Variants in FAM135A observed in about 807,000 individuals in gnomAD.
FAM135A encodes protein FAM135A.
A neutral mutation model predicts 146.8 loss-of-function variants in FAM135A; 79 were observed. The ratio of observed to expected loss-of-function variants is 0.54; its 90% CI spans 0.45 to 0.65. The LOEUF (loss-of-function observed/expected upper bound fraction) is 0.65. FAM135A is among the 30% of genes least tolerant of loss of function. FAM135A has a pLI of 0.00. For missense variants in FAM135A, 1,623 were observed against 1,758.2 expected (o/e 0.92, Z 1.38); for synonymous variants, 562 against 603.6 (o/e 0.93, Z 1.01).
At chr6:70,471,994 G>A (rs1781714755) in intron 5 of FAM135A, among the ~76,000 whole-genome samples, 1 of 152,032 alleles carries the variant, frequency 6.6e-6, no homozygotes, top group Non-Finnish European at 1.5e-5. Flanking sequence ...GCTTCCCAGG[G>A]TTTATAGAGT....
chr6:70,559,657 T>G lies in FAM135A; in HGVS notation c.4343-59T>G, dbSNP rs1343666819. On this transcript the variant is annotated intron_variant, in intron 21 of 21. Transcript: ENST00000418814. Reference sequence around the variant, plus strand: ...ATAACTTATCTAAAAATTGGCATAGTTTTTTTATTTTCAGTTACTATTGTG... The same window carrying G: ...ATAACTTATCTAAAAATTGGCATAGGTTTTTTATTTTCAGTTACTATTGTG... 5.8e-6 allele frequency: 8 copies of G among 1,388,396 alleles called. No individual in the cohort carries two copies. The East Asian group carries it at 1.9e-4, about 33-fold the overall frequency. The allele number at this position is 1,388,396 out of a possible 1,614,324, so 86.0% of individuals were successfully genotyped here.
At chr6:70,446,693 T>G (rs1775831312) in intron 4 of FAM135A, among the ~76,000 whole-genome samples, 1 of 152,320 alleles carries the variant, frequency 6.6e-6, no homozygotes, top group East Asian at 1.9e-4. Context: ...CGGCCAAGAT[T>G]GATAAATATG....
At chr6:70,517,556 T>C (rs1263913058) in intron 12 of FAM135A, among the ~76,000 whole-genome samples, 1 of 151,898 alleles carries the variant, frequency 6.6e-6, no homozygotes, top group African/African-American at 2.4e-5. Context: ...TTAGCTGAGA[T>C]TACAGGTGCC....
At chr6:70,484,563 A>C (rs904186752) in intron 10 of FAM135A, among the ~76,000 whole-genome samples, 15 of 152,152 alleles carry the variant, frequency 9.9e-5, no homozygotes, top group Admixed American at 2.0e-4. Context: ...GATTGGGGGA[A>C]GTGATTGTTT....
intron 12 of FAM135A, among the ~76,000 whole-genome samples, chr6:70,508,020 T>C (rs1232106630): frequency 2.6e-5 from 4 of 152,152 alleles, no homozygotes; most frequent in African/African-American, 9.7e-5. Flanking sequence ...ACCTTATTAA[T>C]GGTAGGATTA....
intron 4 of FAM135A, among the ~76,000 whole-genome samples, chr6:70,435,921 C>T (rs547014510): frequency 3.3e-5 from 5 of 152,254 alleles, no homozygotes; most frequent in South Asian, 2.1e-4. Flanking sequence ...TGGTGGCTCA[C>T]GCCTGTGATC....
chr6:70,464,575 G>C (rs1435959300), intron 5 of FAM135A, among the ~76,000 whole-genome samples: 1 of 151,092 alleles, frequency 6.6e-6, no homozygotes, highest in Non-Finnish European at 1.5e-5. Flanking sequence ...CCTTCAGTTT[G>C]ATAATAACAT....
At chr6:70,445,361 G>GAGACCA (rs111464151) in intron 4 of FAM135A, among the ~76,000 whole-genome samples, 3,837 of 151,880 alleles carry the variant, frequency 0.025, 169 homozygotes, top group African/African-American at 0.088. Context: ...GGTTTCTGCC[G>GAGACCA]TCTTGGTCAG....
At chr6:70,502,944 TAATAG>T (rs1421067330) in intron 12 of FAM135A, 153 bp downstream of exon 12, 5 of 767,540 alleles carry the variant, frequency 6.5e-6, no homozygotes, top group East Asian at 5.6e-5. Flanking sequence ...CCAAAATTAA[TAATAG>T]AATAGAACAA....
At chr6:70,537,305 G>T (rs142707082) in intron 19 of FAM135A, among the ~76,000 whole-genome samples, 80 of 152,190 alleles carry the variant, frequency 5.3e-4, no homozygotes, top group Middle Eastern at 3.4e-3. Flanking sequence ...TTAGTCAATT[G>T]ATTCCCACTG....
intron 1 of FAM135A, chr6:70,413,986 C>G (rs769225721): frequency 1.4e-4 from 140 of 985,660 alleles, no homozygotes; most frequent in Non-Finnish European, 1.7e-4. Context: ...TCCCTCGACC[C>G]GTTCTTCCTG....
At chr6:70,461,355 A>G (rs1049745750) in intron 5 of FAM135A, among the ~76,000 whole-genome samples, 3 of 152,154 alleles carry the variant, frequency 2.0e-5, no homozygotes, top group Non-Finnish European at 4.4e-5. Context: ...AAAGGGCTGT[A>G]TACCTTTTAT....
chr6:70,454,662 G>A (rs867063973), intron 5 of FAM135A, among the ~76,000 whole-genome samples: 1 of 152,050 alleles, frequency 6.6e-6, no homozygotes, highest in Non-Finnish European at 1.5e-5. Flanking sequence ...TATTAAATAG[G>A]GAATCCTTTC....
intron 4 of FAM135A, among the ~76,000 whole-genome samples, chr6:70,450,858 C>T (rs1219367694): frequency 1.3e-5 from 2 of 149,836 alleles, no homozygotes; most frequent in East Asian, 4.0e-4. Flanking sequence ...TCTCATGCCT[C>T]AGCCTCCCTA....
intron 4 of FAM135A, among the ~76,000 whole-genome samples, chr6:70,429,522 TA>T (rs1046665138): frequency 6.6e-6 from 1 of 151,260 alleles, no homozygotes; most frequent in East Asian, 1.9e-4. Context: ...CAAGGAACGT[TA>T]AAAAAAATAA....
At position 70,525,113 on chromosome 6, in the gene FAM135A, G is replaced by A. The variant is rs1401794804; in HGVS notation, c.2029G>A (p.Gly677Arg). 6.4e-7 allele frequency: 1 copy of A among 1,562,392 alleles called. No homozygotes were observed. The highest frequency in any genetic ancestry group is 2.2e-5 in the East Asian group (1 of 44,640). Residue 677 changes from glycine to arginine, a missense_variant, in exon 15 of 22, where the codon GGA becomes AGA. Transcript: ENST00000418814. ...TGGAGAGAATATAACTGTCAAACTAGGACCTTGGACAGAGCTTCGACAAGA... is the reference window on the plus strand; with the variant it reads ...TGGAGAGAATATAACTGTCAAACTAAGACCTTGGACAGAGCTTCGACAAGA... Reference protein sequence around the residue: ...FSGENITVKLGPWTELRQEEI... With the variant: ...FSGENITVKLRPWTELRQEEI...
intron 2 of FAM135A, among the ~76,000 whole-genome samples, chr6:70,419,291 C>T (rs903032280): frequency 4.6e-5 from 7 of 152,044 alleles, no homozygotes; most frequent in Admixed American, 2.6e-4. Flanking sequence ...TGGTGGCGCA[C>T]GCCTGTAGTC....
At chr6:70,471,063 C>T (rs1195077439) in intron 5 of FAM135A, among the ~76,000 whole-genome samples, 1 of 152,130 alleles carries the variant, frequency 6.6e-6, no homozygotes, top group East Asian at 1.9e-4. Context: ...GATTGCTAGG[C>T]AGCACTAAAG....
chr6:70,496,036 G>T (rs377166358), intron 11 of FAM135A, among the ~76,000 whole-genome samples: 2 of 152,186 alleles, frequency 1.3e-5, no homozygotes, highest in South Asian at 4.2e-4. Flanking sequence ...CTAGTCTATT[G>T]TTGATGGGCA....
Sources: gnomAD v4.1 joint callset for allele counts (sites outside exome capture counted in the v4.1 genomes callset) on GRCh38, gnomAD v4.1.1 for gene constraint, MANE v1.5 for transcripts, NCBI Gene and HGNC (gene_info 2026-07-23, HGNC 2026-07-21) for gene names.